Variants in SLC22A13 observed in about 807,000 individuals in gnomAD.
The protein encoded by SLC22A13 is organic anion transporter 10.
Under a neutral mutation model 49.1 loss-of-function variants are expected in SLC22A13, and 42 were observed. The ratio of observed to expected loss-of-function variants is 0.85; its 90% CI spans 0.67 to 1.11. The LOEUF (loss-of-function observed/expected upper bound fraction) is 1.11, where lower values mean the gene tolerates loss of function less well. Ranked by LOEUF, SLC22A13 falls within the 50% of genes least tolerant of loss-of-function variation. The pLI is 0.00. For missense variants in SLC22A13, 694 were observed against 712.8 expected (o/e 0.97, Z 0.30); for synonymous variants, 282 against 293.1 (o/e 0.96, Z 0.39).
chr3:38,274,311 A>G lies in SLC22A13; in HGVS notation c.418A>G (p.Thr140Ala). Residue 140 changes from threonine (T) to alanine (A), a missense_variant, in exon 2 of 10, where the codon ACA becomes GCA. By Grantham distance (58) the Thr-to-Ala change is moderately conservative (BLOSUM62 0). Transcript: ENST00000311856. ...TGATCGGAAGCACCTGAAGGACACC[A>G]CACAGTCAGTGTTCATGGCTGGGCT... ...VCDRKHLKDT[T>A]QSVFMAGLLV... 1 of 1,614,160 alleles carries G rather than the reference A, an allele frequency of 6.2e-7. No homozygotes were observed. The highest frequency in any genetic ancestry group is 8.5e-7 in the Non-Finnish European group (1 of 1,180,016).
In SLC22A13 at chr3:38,275,175, C is replaced by A. The variant is rs1246057918; in HGVS notation, c.806+18C>A. On this transcript the variant is annotated intron_variant, in intron 4 of 9. Coordinates refer to ENST00000311856, the MANE Select transcript of SLC22A13 (RefSeq NM_004256.4). ...TACTTCTGGTGAGGAAAATACATGC[C>A]AGGAGCAAGCCCCCCCAGGTTAGTT... 2.5e-6 allele frequency: 4 copies of A among 1,613,332 alleles called. No homozygotes were observed. Among genetic ancestry groups the A allele is most frequent in the Non-Finnish European group, 3.4e-6 (4 of 1,179,444 alleles).
intron 1 of SLC22A13, among the ~76,000 whole-genome samples, chr3:38,273,009 T>C (rs1483501122): frequency 1.3e-5 from 2 of 152,178 alleles, no homozygotes; most frequent in Non-Finnish European, 2.9e-5. Context: ...GAAGGATTAT[T>C]ATTAGAATTC....
chr3:38,274,759 G>A lies in SLC22A13; in HGVS notation c.637+1G>A, dbSNP rs373202002. On this transcript the variant is annotated splice_donor_variant, in intron 3 of 9. Transcript: ENST00000311856. LOFTEE classifies it high-confidence loss of function. ...CTTAGCTTCAGCAATGTCACCCTAC[G>A]TGAGTGTCTGGGCCCTGGAGCCTTC... The A allele has an allele frequency of 3.5e-5, 56 of 1,612,694 alleles. No individual in the cohort carries two copies. Among genetic ancestry groups the A allele is most frequent in the Non-Finnish European group, 4.4e-5 (52 of 1,179,296 alleles).
intron 1 of SLC22A13, among the ~76,000 whole-genome samples, chr3:38,267,077 G>A (rs1421035959): frequency 3.9e-5 from 6 of 152,226 alleles, no homozygotes; most frequent in Admixed American, 3.9e-4. Flanking sequence ...TGAGGGGCAT[G>A]GGTGCTTGAG....
intron 1 of SLC22A13, among the ~76,000 whole-genome samples, chr3:38,273,243 G>T (rs1322460991): frequency 6.6e-6 from 1 of 152,170 alleles, no homozygotes; most frequent in Non-Finnish European, 1.5e-5. Context: ...TACAATAGAC[G>T]TGTGTACAGA....
At chr3:38,272,412 C>G (rs567982034) in intron 1 of SLC22A13, among the ~76,000 whole-genome samples, 8 of 152,200 alleles carry the variant, frequency 5.3e-5, no homozygotes, top group Non-Finnish European at 1.2e-4. Context: ...TCAGGTGATA[C>G]TATATAGCAT....
chr3:38,272,771 TC>T (rs1703535232), intron 1 of SLC22A13, among the ~76,000 whole-genome samples: 1 of 152,218 alleles, frequency 6.6e-6, no homozygotes, highest in African/African-American at 2.4e-5. Flanking sequence ...CTGGTTAATT[TC>T]TTGCTAAAAG....
chr3:38,277,071 G>T lies in SLC22A13; in HGVS notation c.1506G>T (p.Thr502=), dbSNP rs1065182. The part of the protein sequence containing the change: ...AGLLCTLLPE[T]HGQGLKDTLQ... ...TGCTGTGCACCCTGCTGCCAGAGAC[G>T]CATGGCCAGGGCCTGAAAGACACCC... The change falls in exon 9 of 10, where the codon ACG becomes ACT. Residue 502 remains threonine (T), a synonymous_variant. Transcript: ENST00000311856. The T allele has an allele frequency of 6.3e-7, 1 of 1,586,170 alleles. No individual in the cohort carries two copies. Among genetic ancestry groups the T allele is most frequent in the Non-Finnish European group, 8.6e-7 (1 of 1,166,186 alleles).
chr3:38,274,392 G>A lies in SLC22A13; in HGVS notation c.482+17G>A. On this transcript the variant is annotated intron_variant, in intron 2 of 9. Transcript: ENST00000311856. Reference sequence around the variant, plus strand: ...CTGCGACCGGTAAGAACCTTGCCCTGCCCACTCCCTGCCTAGCAAGCTCGT... The same window carrying A: ...CTGCGACCGGTAAGAACCTTGCCCTACCCACTCCCTGCCTAGCAAGCTCGT... 1.3e-6 allele frequency: 2 copies of A among 1,599,374 alleles called. No homozygotes were observed. The highest frequency in any genetic ancestry group is 4.5e-5 in the East Asian group (2 of 44,746).
chr3:38,275,676 A>G lies in SLC22A13; in HGVS notation c.1022+4A>G, dbSNP rs764862687. The stretch of plus-strand genomic sequence containing the variant: ...CCCTGATTATCTTCTGTGTCTGGTG[A>G]GTGCCCAGAACCCGAGGACAGAACC... On this transcript the variant is annotated splice_donor_region_variant and intron_variant, in intron 6 of 9. Coordinates refer to ENST00000311856, the MANE Select transcript of SLC22A13 (RefSeq NM_004256.4). 3 of 1,613,514 alleles carry G rather than the reference A, an allele frequency of 1.9e-6. No homozygotes were observed. The highest frequency in any genetic ancestry group is 2.5e-6 in the Non-Finnish European group (3 of 1,179,626).
Position 38,277,372 on chromosome 3 carries a change from G to A in SLC22A13, c.1563G>A (p.Arg521=), listed in dbSNP as rs552006936. The change falls in exon 10 of 10, where the codon CGG becomes CGA. Residue 521 remains arginine (R), a splice_region_variant and synonymous_variant. Transcript: ENST00000311856. The part of the protein sequence containing the change: ...LQDLELGPHP[R]SPKSVPSEKE... ...AATGACAGCCTTCTGCTCCCTCTAG[G>A]TCCCCCAAATCAGTGCCCTCAGAGA... 6.2e-7 allele frequency: 1 copy of A among 1,612,896 alleles called. No individual in the cohort carries two copies. The highest frequency in any genetic ancestry group is 1.1e-5 in the South Asian group (1 of 90,992).
At position 38,272,994 on chromosome 3, in the gene SLC22A13, T is replaced by C. The variant is rs191419012; in HGVS notation, c.379-1278T>C. ...CTTTCCTTTCTCGGGAAGTTGATAA[T>C]AAGTGAAGGATTATTATTAGAATTC... On this transcript the variant is annotated intron_variant, in intron 1 of 9. Coordinates refer to ENST00000311856, the MANE Select transcript of SLC22A13 (RefSeq NM_004256.4). Among the ~76,000 whole-genome samples, 303 of 152,294 alleles carry C rather than the reference T, an allele frequency of 2.0e-3. 1 individual carries two copies. The highest frequency in any genetic ancestry group is 7.1e-3 in the African/African-American group (296 of 41,544).
At chr3:38,276,609 C>A (rs949861921) in intron 8 of SLC22A13, among the ~76,000 whole-genome samples, 1 of 152,156 alleles carries the variant, frequency 6.6e-6, no homozygotes, top group Non-Finnish European at 1.5e-5. Flanking sequence ...CATGCCCTGG[C>A]GGTCAGGACA....
At position 38,278,395 on chromosome 3, in the gene SLC22A13, C is replaced by T. The variant is rs953534957; in HGVS notation, c.*930C>T. ...GGGCTTCTCAGAGATCTTCTCAGGC[C>T]TTGGTATTGTTCCTTAGAATGAGCA... is the stretch of plus-strand genomic sequence containing the variant. On this transcript the variant is annotated 3_prime_UTR_variant, in exon 10 of 10. Coordinates refer to ENST00000311856, the MANE Select transcript of SLC22A13 (RefSeq NM_004256.4). 1 of 152,340 alleles carries T rather than the reference C, an allele frequency of 6.6e-6. No homozygotes were observed. The highest frequency in any genetic ancestry group is 1.5e-5 in the Non-Finnish European group (1 of 68,152). The allele number at this position is 152,340 out of a possible 1,614,324, so 9.4% of individuals were successfully genotyped here.
intron 1 of SLC22A13, among the ~76,000 whole-genome samples, chr3:38,273,123 A>C (rs1703539666): frequency 6.6e-6 from 1 of 152,210 alleles, no homozygotes; most frequent in African/African-American, 2.4e-5. Flanking sequence ...ACGGTTCCCC[A>C]ACAAACATTT....
At position 38,269,219 on chromosome 3, in the gene SLC22A13, G is replaced by T. The variant is rs112268187; in HGVS notation, c.378+2981G>T. On this transcript the variant is annotated intron_variant, in intron 1 of 9. Transcript: ENST00000311856. The stretch of plus-strand genomic sequence containing the variant: ...GCCTTGTCTTGCAAGAGTATATGTT[G>T]GTAGGATTAGGCATTTGTCATTATT... Among the ~76,000 whole-genome samples, 409 of 152,192 alleles carry T rather than the reference G, an allele frequency of 2.7e-3. 5 individuals carry two copies. Among genetic ancestry groups the T allele is most frequent in the African/African-American group, 8.9e-3 (369 of 41,504 alleles).
chr3:38,277,237 T>C (rs1024532312), intron 9 of SLC22A13, 110 bp downstream of exon 9: 21 of 1,103,686 alleles, frequency 1.9e-5, no homozygotes, highest in Non-Finnish European at 2.4e-5. Flanking sequence ...TAGAGGCTAA[T>C]ATGGGGTCCT....
intron 7 of SLC22A13, 57 bp from the exon 8 acceptor site, chr3:38,276,230 C>T (rs9847557): frequency 0.052 from 78,360 of 1,515,670 alleles, 4,352 homozygotes; most frequent in African/African-American, 0.28. Flanking sequence ...GTGGGGAGTT[C>T]CAGTGGATGG....
intron 1 of SLC22A13, among the ~76,000 whole-genome samples, chr3:38,271,641 G>A (rs1703523889): frequency 6.6e-6 from 1 of 151,300 alleles, no homozygotes; most frequent in Admixed American, 6.6e-5. Context: ...ACAATCATGT[G>A]ATCTGTCCAG....
Sources: gnomAD v4.1 joint callset for allele counts (sites outside exome capture counted in the v4.1 genomes callset) on GRCh38, gnomAD v4.1.1 for gene constraint, MANE v1.5 for transcripts, NCBI Gene and HGNC (gene_info 2026-07-23, HGNC 2026-07-21) for gene names.